The following DOC2B variants were observed in gnomAD, a reference collection of about 807,000 sequenced individuals.
DOC2B encodes double C2 domain beta.
DOC2B carries 21 observed loss-of-function variants against 28.9 expected under a neutral mutation model. The ratio of observed to expected loss-of-function variants is 0.73; its 90% CI spans 0.52 to 1.05. DOC2B has a LOEUF of 1.05. DOC2B is among the 50% of genes least tolerant of loss of function. The pLI is 0.00. For missense variants in DOC2B, 384 were observed against 421.1 expected (o/e 0.91, Z 0.77); for synonymous variants, 194 against 178.1 (o/e 1.09, Z -0.71).
intron 7 of DOC2B, among the ~76,000 whole-genome samples, 152 bp from the exon 8 acceptor site, chr17:148,421 TC>T (rs1467461363): frequency 1.3e-5 from 2 of 151,886 alleles, no homozygotes; most frequent in African/African-American, 4.8e-5. Context: ...CTCGCCCACT[TC>T]CCCCTGAGCT....
At chr17:174,621 C>G (rs187286747) in intron 1 of DOC2B, among the ~76,000 whole-genome samples, 2 of 152,224 alleles carry the variant, frequency 1.3e-5, no homozygotes, top group African/African-American at 4.8e-5. Flanking sequence ...AAAGGGGACA[C>G]GAAGCAACCC....
In DOC2B at chr17:146,604, C is replaced by G. The variant is rs1210308177; in HGVS notation, c.*837G>C. The G allele has an allele frequency of 2.0e-5, 3 of 152,282 alleles. No homozygotes were observed. Among genetic ancestry groups the G allele is most frequent in the Non-Finnish European group, 4.4e-5 (3 of 68,110 alleles). 9.4% of individuals were successfully genotyped at this position (152,282 alleles called of 1,614,324 possible). The stretch of plus-strand genomic sequence containing the variant: ...CACCCCGGCCCCATTGGCTTTCTCT[C>G]TCCAGGCGTTTTAGACCACTCCCAC... On this transcript the variant is annotated 3_prime_UTR_variant, in exon 9 of 9. Transcript: ENST00000613549.
rs186792786 is a variant in DOC2B at position 153,864 on chromosome 17, C to T, written c.923+2356G>A. 1.7e-4 allele frequency among the ~76,000 whole-genome samples: 26 copies of T among 152,146 alleles called. No individual in the cohort carries two copies. In the South Asian group the frequency reaches 3.5e-3, roughly 21 times the overall value. ...GTTTGTTGTGTTTTCGACAGCTGTCCGTGTTATAATAATTCCTCTAGTTCA... is the reference window on the plus strand; with the variant it reads ...GTTTGTTGTGTTTTCGACAGCTGTCTGTGTTATAATAATTCCTCTAGTTCA... On this transcript the variant is annotated intron_variant, in intron 6 of 8. Transcript: ENST00000613549.
chr17:150,268 T>C (rs2040058045), intron 6 of DOC2B, among the ~76,000 whole-genome samples: 2 of 152,218 alleles, frequency 1.3e-5, no homozygotes, highest in Admixed American at 1.3e-4. Flanking sequence ...CCCTGCTGAA[T>C]GTGCTCTGGG....
At position 146,251 on chromosome 17, in the gene DOC2B, GC is replaced by G; in HGVS notation, c.*1189del. 1 of 152,510 alleles carries G rather than the reference GC, an allele frequency of 6.6e-6. No homozygotes were observed. Among genetic ancestry groups the G allele is most frequent in the Non-Finnish European group, 1.5e-5 (1 of 68,182 alleles). The allele number at this position is 152,510 out of a possible 1,614,324, so 9.4% of individuals were successfully genotyped here. ...AGATGCCACGAGCAAGCACCCGGAG[GC>G]CCCCAGTGTGAGCCATGGAGTGGAG... On this transcript the variant is annotated 3_prime_UTR_variant, in exon 9 of 9. Coordinates refer to ENST00000613549, the MANE Select transcript of DOC2B (RefSeq NM_003585.5).
rs2040214117 is a variant in DOC2B, at chr17:162,249, C to T, written c.529-59G>A. The T allele has an allele frequency of 4.6e-6, 6 of 1,313,342 alleles. No homozygotes were observed. In the East Asian group the frequency reaches 1.5e-4, roughly 33 times the overall value. The allele number at this position is 1,313,342 out of a possible 1,614,324, so 81.4% of individuals were successfully genotyped here. On this transcript the variant is annotated intron_variant, in intron 3 of 8. Transcript: ENST00000613549. ...AAGTGTGTATCAAACAGAACAATGG[C>T]CCCCAGAGATGGCCACGTGCTCATC...
Position 162,193 on chromosome 17 carries a change from G to A in DOC2B, c.529-3C>T, listed in dbSNP as rs1334572523. 1 of 1,547,772 alleles carries A rather than the reference G, an allele frequency of 6.5e-7. No individual in the cohort carries two copies. The highest frequency in any genetic ancestry group is 8.7e-7 in the Non-Finnish European group (1 of 1,143,450). On this transcript the variant is annotated splice_region_variant and splice_polypyrimidine_tract_variant and intron_variant, in intron 3 of 8. Transcript: ENST00000613549. ...GTTTTTGTTCTGAGCTTATTTGCCT[G>A]GAGAAGAGAAAAATGATCTTATTAG...
chr17:172,321 T>C (rs1047215254), intron 2 of DOC2B, among the ~76,000 whole-genome samples: 11 of 152,134 alleles, frequency 7.2e-5, no homozygotes, highest in Non-Finnish European at 1.6e-4. Flanking sequence ...TCTGTTTCTT[T>C]GCTCCCCGCA....
intron 1 of DOC2B, among the ~76,000 whole-genome samples, 188 bp downstream of exon 1, chr17:180,919 C>T (rs534383678): frequency 2.0e-5 from 3 of 151,926 alleles, no homozygotes; most frequent in East Asian, 3.9e-4. Flanking sequence ...GGGGAGGGCT[C>T]GAGGCCGGTG....
rs1597812104 is a variant in DOC2B at position 146,412 on chromosome 17, T to C, written c.*1029A>G. ...GGAGGGGCGGGCTCCGTCCTTGAGG[T>C]CCCTCAGGAGTAGAAAGAGATCAGA... is the stretch of plus-strand genomic sequence containing the variant. On this transcript the variant is annotated 3_prime_UTR_variant, in exon 9 of 9. Transcript: ENST00000613549. The C allele has an allele frequency of 6.6e-6, 1 of 152,096 alleles. No homozygotes were observed. The highest frequency in any genetic ancestry group is 1.5e-5 in the Non-Finnish European group (1 of 68,044). The allele number at this position is 152,096 out of a possible 1,614,324, so 9.4% of individuals were successfully genotyped here. A position where few individuals can be genotyped will look rare whatever the true frequency, so the allele number is the denominator to read the frequency against.
intron 6 of DOC2B, among the ~76,000 whole-genome samples, chr17:153,994 G>A (rs1262060264): frequency 6.6e-6 from 1 of 152,118 alleles, no homozygotes; most frequent in Non-Finnish European, 1.5e-5. Context: ...CTGCCTCTGT[G>A]GGTTGACCTA....
chr17:156,203 G>C lies in DOC2B; in HGVS notation c.923+17C>G. ...AGGTGAAGACGTGGCAGGTGGTCAC[G>C]CGCACGGCACACTCACGTTTTCACG... On this transcript the variant is annotated intron_variant, in intron 6 of 8. Transcript: ENST00000613549. 1.9e-6 allele frequency: 3 copies of C among 1,540,058 alleles called. No homozygotes were observed. Among genetic ancestry groups the C allele is most frequent in the Non-Finnish European group, 1.8e-6 (2 of 1,140,182 alleles).
Position 180,270 on chromosome 17 carries a change from C to T in DOC2B, c.373+837G>A, listed in dbSNP as rs543819345. 9.5e-4 allele frequency among the ~76,000 whole-genome samples: 144 copies of T among 152,336 alleles called. 2 individuals are homozygous for T. The highest frequency in any genetic ancestry group is 3.1e-3 in the African/African-American group (129 of 41,590). On this transcript the variant is annotated intron_variant, in intron 1 of 8. Transcript: ENST00000613549. Reference sequence around the variant, plus strand: ...CTCGGTTTCCCAGCCAGTCCCGGCTCGGGCCGGACAGGCACCCTCGGGGAC... The same window carrying T: ...CTCGGTTTCCCAGCCAGTCCCGGCTTGGGCCGGACAGGCACCCTCGGGGAC...
At chr17:162,030 G>C in intron 4 of DOC2B, 51 bp downstream of exon 4, 1 of 1,304,996 alleles carries the variant, frequency 7.7e-7, no homozygotes, top group Non-Finnish European at 1.1e-6. Flanking sequence ...GGAAAAGCCG[G>C]GTGGGAGTAG....
chr17:147,032 C>G lies in DOC2B; in HGVS notation c.*409G>C. ...GGCTGGAGCAGCCAGTCTTCAAGGTCCCATCCTCCACCTGTCTGTCTGCTC... is the reference window on the plus strand; with the variant it reads ...GGCTGGAGCAGCCAGTCTTCAAGGTGCCATCCTCCACCTGTCTGTCTGCTC... On this transcript the variant is annotated 3_prime_UTR_variant, in exon 9 of 9. Coordinates refer to ENST00000613549, the MANE Select transcript of DOC2B (RefSeq NM_003585.5). 5.8e-6 allele frequency: 1 copy of G among 172,144 alleles called. No individual in the cohort carries two copies. The highest frequency in any genetic ancestry group is 1.2e-5 in the Non-Finnish European group (1 of 81,942). The allele number at this position is 172,144 out of a possible 1,614,324, so 10.7% of individuals were successfully genotyped here.
rs1427009327 is a variant in DOC2B, at chr17:143,266, A to G, written c.*4175T>C. ...GTCCCTGGTGAAGAGTAACAAGACT[A>G]TATCCGGAGTAGGTTTCAGTTGCCT... On this transcript the variant is annotated 3_prime_UTR_variant, in exon 9 of 9. Coordinates refer to ENST00000613549, the MANE Select transcript of DOC2B (RefSeq NM_003585.5). 5.3e-5 allele frequency: 8 copies of G among 151,790 alleles called. No individual in the cohort carries two copies. Among genetic ancestry groups the G allele is most frequent in the Admixed American group, 4.6e-4 (7 of 15,264 alleles). 9.4% of individuals were successfully genotyped at this position (151,790 alleles called of 1,614,324 possible). A position where few individuals can be genotyped will look rare whatever the true frequency, so the allele number is the denominator to read the frequency against.
intron 2 of DOC2B, among the ~76,000 whole-genome samples, chr17:165,396 C>G (rs147166835): frequency 0.013 from 1,925 of 150,322 alleles, 67 homozygotes; most frequent in African/African-American, 0.045. Flanking sequence ...GTGGGAGGAT[C>G]GCTTGAACCT....
At chr17:154,787 T>C (rs139915273) in intron 6 of DOC2B, among the ~76,000 whole-genome samples, 2,691 of 152,308 alleles carry the variant, frequency 0.018, 68 homozygotes, top group African/African-American at 0.062. Context: ...TGGAGTGCAG[T>C]GGTGTGATCT....
At position 161,485 on chromosome 17, in the gene DOC2B, C is replaced by T. The variant is rs541900251; in HGVS notation, c.695G>A (p.Arg232His). The T allele has an allele frequency of 1.4e-5, 21 of 1,551,738 alleles. No homozygotes were observed. The highest frequency in any genetic ancestry group is 1.3e-4 in the South Asian group (11 of 84,060). Residue 232 changes from arginine to histidine, a missense_variant, in exon 5 of 9, where the codon CGT becomes CAT. Physicochemically the swap from Arg to His is conservative, Grantham distance 29. Coordinates refer to ENST00000613549, the MANE Select transcript of DOC2B (RefSeq NM_003585.5). ...FRHNEFIGET[R>H]VPLKKLKPNH... ...GGGTTTCAGCTTCTTCAGGGGCACA[C>T]GTGTCTCCCCGATGAACTCATTGTG...
Sources: gnomAD v4.1 joint callset for allele counts (sites outside exome capture counted in the v4.1 genomes callset) on GRCh38, gnomAD v4.1.1 for gene constraint, MANE v1.5 for transcripts, NCBI Gene and HGNC (gene_info 2026-07-23, HGNC 2026-07-21) for gene names.